CHL1: variants seen among roughly 807,000 people sequenced by gnomAD.
CHL1 encodes cell adhesion molecule L1 like, also known as neural cell adhesion molecule L1-like protein.
In CHL1, 96 loss-of-function variants were observed where a neutral mutation model predicts 141.9. The ratio of observed to expected loss-of-function variants is 0.68; its 90% CI spans 0.57 to 0.80. The LOEUF (loss-of-function observed/expected upper bound fraction) is 0.80, where lower values mean the gene tolerates loss of function less well. CHL1 is among the 30% of genes least tolerant of loss of function. The pLI is 0.00. For synonymous variants in CHL1, 613 were observed against 502.2 expected, an observed-to-expected ratio of 1.22 and a Z score of -2.95; for missense variants, 1,820 against 1,457.2, an observed-to-expected ratio of 1.25 and a Z score of -4.05.
At chr3:337,417 G>A (rs1575103111) in intron 5 of CHL1, among the ~76,000 whole-genome samples, 1 of 151,922 alleles carries the variant, frequency 6.6e-6, no homozygotes, top group African/African-American at 2.4e-5. Flanking sequence ...TGCACAATGT[G>A]CAGGTTAGTT....
chr3:327,088 C>A (rs563411807), intron 4 of CHL1, among the ~76,000 whole-genome samples: 1 of 151,748 alleles, frequency 6.6e-6, no homozygotes, highest in South Asian at 2.1e-4. Flanking sequence ...AAAGGTAATA[C>A]CATACACTTG....
intron 1 of CHL1, among the ~76,000 whole-genome samples, chr3:229,788 A>C (rs987390335): frequency 6.6e-6 from 1 of 152,188 alleles, no homozygotes; most frequent in Non-Finnish European, 1.5e-5. Context: ...TTGACTGTGC[A>C]CAGTTTAGAA....
chr3:241,712 A>T (rs1017647080), intron 1 of CHL1, among the ~76,000 whole-genome samples: 2 of 152,070 alleles, frequency 1.3e-5, no homozygotes, highest in African/African-American at 4.8e-5. Context: ...ATAAGGACCC[A>T]AATGTTGTTT....
chr3:371,233 A>C (rs1050981439), intron 15 of CHL1, among the ~76,000 whole-genome samples: 5 of 152,030 alleles, frequency 3.3e-5, no homozygotes, highest in Non-Finnish European at 7.4e-5. Context: ...ATTGTGTGGG[A>C]GTCTCAGTGT....
In CHL1 at chr3:405,651, G is replaced by C; in HGVS notation, c.3615G>C (p.Lys1205Asn). The change falls in exon 28 of 28, where the codon AAG becomes AAC. Residue 1205 changes from lysine (K) to asparagine (N), a missense_variant. Transcript: ENST00000256509. ...GSFIGAYAGS[K>N]EKGSVESNGS... is the part of the protein sequence containing the mutation. ...TTATTGGTGCCTACGCTGGATCTAA[G>C]GAGAAGGGATCTGTTGAAAGCAATG... 1.2e-6 allele frequency: 2 copies of C among 1,613,564 alleles called. No homozygotes were observed. Among genetic ancestry groups the C allele is most frequent in the South Asian group, 2.2e-5 (2 of 91,074 alleles).
At chr3:377,454 T>C (rs1341543977) in intron 15 of CHL1, among the ~76,000 whole-genome samples, 2 of 152,182 alleles carry the variant, frequency 1.3e-5, no homozygotes, top group African/African-American at 2.4e-5. Flanking sequence ...CGAGCCTATA[T>C]AGGTGATTCC....
chr3:214,565 T>G (rs1029842850), intron 1 of CHL1, among the ~76,000 whole-genome samples: 1 of 152,216 alleles, frequency 6.6e-6, no homozygotes, highest in Admixed American at 6.5e-5. Context: ...GTTAAATCTA[T>G]TTTATACATT....
chr3:353,596 C>CTA (rs1268727930), intron 10 of CHL1, among the ~76,000 whole-genome samples: 1 of 152,174 alleles, frequency 6.6e-6, no homozygotes, highest in African/African-American at 2.4e-5. Context: ...CTTGCCAAGG[C>CTA]TAGTTGTGTA....
intron 20 of CHL1, among the ~76,000 whole-genome samples, chr3:390,069 T>C (rs1245995308): frequency 6.6e-6 from 1 of 152,222 alleles, no homozygotes; most frequent in Non-Finnish European, 1.5e-5. Context: ...TCTAAAGGAA[T>C]AATTTGATCC....
rs543785858 is a variant in CHL1 at position 340,897 on chromosome 3, C to T, written c.489C>T (p.His163=). Residue 163 remains histidine (H), a synonymous_variant, in exon 6 of 28, where the codon CAC becomes CAT. Coordinates refer to ENST00000256509, the MANE Select transcript of CHL1 (RefSeq NM_006614.4). ...CTCCCAAAGGCCTCCCACCTTTACA[C>T]ATTTATTGGATGAATATTGGTAAGT... is the stretch of plus-strand genomic sequence containing the variant. ...CNPPKGLPPL[H]IYWMNIELEH... 4 of 1,612,720 alleles carry T rather than the reference C, an allele frequency of 2.5e-6. No homozygotes were observed. Among genetic ancestry groups the T allele is most frequent in the Admixed American group, 3.3e-5 (2 of 59,944 alleles).
chr3:398,318 C>T lies in CHL1; in HGVS notation c.3186C>T (p.Arg1062=). 6.2e-7 allele frequency: 1 copy of T among 1,608,030 alleles called. No homozygotes were observed. The highest frequency in any genetic ancestry group is 8.5e-7 in the Non-Finnish European group (1 of 1,174,682). ...AGCCGGGAGCTGAACATATAGTTCG[C>T]CTAATGACTAAGAATTGGGGCGATA... The part of the protein sequence containing the change: ...VFEPGAEHIV[R]LMTKNWGDND... The change falls in exon 25 of 28, where the codon CGC becomes CGT. Residue 1062 remains arginine (R), a synonymous_variant. Transcript: ENST00000256509.
chr3:287,557 T>C (rs973936478), intron 2 of CHL1, among the ~76,000 whole-genome samples: 1 of 152,244 alleles, frequency 6.6e-6, no homozygotes, highest in Admixed American at 6.5e-5. Context: ...AAATGTCTTC[T>C]ACTCAGATAA....
chr3:214,177 G>C (rs1700118500), intron 1 of CHL1, among the ~76,000 whole-genome samples: 1 of 152,092 alleles, frequency 6.6e-6, no homozygotes, highest in Admixed American at 6.6e-5. Context: ...CAAGAAATTA[G>C]CTGATCCCAG....
intron 15 of CHL1, among the ~76,000 whole-genome samples, chr3:377,551 T>G (rs1404322841): frequency 6.6e-6 from 1 of 152,178 alleles, no homozygotes; most frequent in African/African-American, 2.4e-5. Context: ...AACATACAGT[T>G]CCATCACTGA....
intron 3 of CHL1, among the ~76,000 whole-genome samples, chr3:321,311 A>G (rs1700545038): frequency 6.6e-6 from 1 of 152,052 alleles, no homozygotes; most frequent in African/African-American, 2.4e-5. Context: ...CTACAAATAT[A>G]CAGACTTAAA....
rs145679045 is a variant in CHL1 at position 398,261 on chromosome 3, T to G, written c.3129T>G (p.Leu1043=). 6.2e-7 allele frequency: 1 copy of G among 1,606,420 alleles called. No homozygotes were observed. Among genetic ancestry groups the G allele is most frequent in the Non-Finnish European group, 8.5e-7 (1 of 1,173,670 alleles). ...KGIGKISGVN[L]TQKTHPIEVF... Reference sequence around the variant, plus strand: ...TCGGGAAGATATCAGGAGTAAATCTTACTCAAAAGACTCACCCAATAGAGG... The same window carrying G: ...TCGGGAAGATATCAGGAGTAAATCTGACTCAAAAGACTCACCCAATAGAGG... Residue 1043 remains leucine, a synonymous_variant, in exon 25 of 28, where the codon CTT becomes CTG. Coordinates refer to ENST00000256509, the MANE Select transcript of CHL1 (RefSeq NM_006614.4).
chr3:382,037 G>A (rs1168616943), intron 16 of CHL1, 142 bp from the exon 17 acceptor site: 2 of 501,202 alleles, frequency 4.0e-6, no homozygotes, highest in East Asian at 7.5e-5. Context: ...CCTTCCATAT[G>A]TGGGGTGGGG....
intron 2 of CHL1, among the ~76,000 whole-genome samples, chr3:270,581 T>C (rs1250499038): frequency 6.6e-6 from 1 of 152,190 alleles, no homozygotes; most frequent in African/African-American, 2.4e-5. Context: ...TGATGAGACA[T>C]CTACCTGTTG....
chr3:319,645 G>A, intron 2 of CHL1, 38 bp from the exon 3 acceptor site: 2 of 515,462 alleles, frequency 3.9e-6, no homozygotes, highest in South Asian at 2.4e-5. Flanking sequence ...AAATTTTAGA[G>A]TTTGTGAACT....
Sources: allele counts gnomAD v4.1 joint callset (sites outside exome capture counted in the v4.1 genomes callset), GRCh38; gene constraint gnomAD v4.1.1; transcripts MANE v1.5; gene names NCBI Gene and HGNC (gene_info 2026-07-23, HGNC 2026-07-21).